The following FARP1 variants were observed in gnomAD, a reference collection of about 807,000 sequenced individuals.
FARP1 encodes FERM, ARHGEF and pleckstrin domain-containing protein 1.
A neutral mutation model predicts 128.8 loss-of-function variants in FARP1; 52 were observed. The observed-to-expected ratio is 0.40, with a 90% confidence interval of 0.32 to 0.51. The LOEUF (loss-of-function observed/expected upper bound fraction) is 0.51. Among genes scored for constraint, FARP1 ranks in the 20% least tolerant of loss-of-function variants. FARP1 has a pLI of 0.45. For synonymous variants in FARP1, 580 were observed against 551.8 expected (o/e 1.05, Z -0.72); for missense variants, 1,333 against 1,367.9 (o/e 0.97, Z 0.40).
chr13:98,395,267 A>G lies in FARP1; in HGVS notation c.1205A>G (p.Glu402Gly). The change falls in exon 13 of 27, where the codon GAA becomes GGA. Residue 402 changes from glutamate (E) to glycine (G), a missense_variant. Physicochemically the swap from Glu to Gly is moderately conservative, Grantham distance 98. Transcript: ENST00000319562. ...STSLTFGEGAESPGGQSCRRG... is the reference protein window; with the variant it reads ...STSLTFGEGAGSPGGQSCRRG... ...AGCCTTACATTTGGAGAAGGTGCCG[A>G]ATCTCCAGGGGGCCAGAGCTGCCGG... The G allele has an allele frequency of 6.2e-7, 1 of 1,605,886 alleles. No individual in the cohort carries two copies. The highest frequency in any genetic ancestry group is 8.5e-7 in the Non-Finnish European group (1 of 1,173,506).
intron 13 of FARP1, chr13:98,400,753 G>C (rs1216110832): frequency 6.6e-6 from 1 of 152,158 alleles, no homozygotes; most frequent in East Asian, 1.9e-4. Flanking sequence ...TTTCTCCTCT[G>C]ATGGTCATGG....
chr13:98,272,389 A>G (rs547366635), intron 2 of FARP1, among the ~76,000 whole-genome samples: 1 of 152,300 alleles, frequency 6.6e-6, no homozygotes, highest in East Asian at 1.9e-4. Flanking sequence ...GGAAAGCCCA[A>G]CAGTCATTAT....
chr13:98,279,897 CT>C (rs1187649367), intron 2 of FARP1, among the ~76,000 whole-genome samples: 3 of 152,148 alleles, frequency 2.0e-5, no homozygotes, highest in Non-Finnish European at 2.9e-5. Flanking sequence ...GACGCCCCCC[CT>C]CTGTCTTCCG....
At chr13:98,424,283 T>C (rs1190662946) in intron 16 of FARP1, among the ~76,000 whole-genome samples, 3 of 152,170 alleles carry the variant, frequency 2.0e-5, no homozygotes, top group Admixed American at 1.3e-4. Context: ...TAATCTAAAA[T>C]CAAACTCCAG....
rs1454866837 is a variant in FARP1 at position 98,452,343 on chromosome 13, G to A, written c.*4026G>A. 10 of 152,588 alleles carry A rather than the reference G, an allele frequency of 6.6e-5. No homozygotes were observed. Among genetic ancestry groups the A allele is most frequent in the Admixed American group, 2.6e-4 (4 of 15,288 alleles). 9.5% of individuals were successfully genotyped at this position (152,588 alleles called of 1,614,324 possible). Reference sequence around the variant, plus strand: ...CGAGAGCGCTTCATGGGGAGAAACTGAAAATTATAATTTAAAGCTTCATGA... The same window carrying A: ...CGAGAGCGCTTCATGGGGAGAAACTAAAAATTATAATTTAAAGCTTCATGA... On this transcript the variant is annotated 3_prime_UTR_variant, in exon 27 of 27. Transcript: ENST00000319562.
At chr13:98,370,095 A>G (rs997419586) in intron 5 of FARP1, among the ~76,000 whole-genome samples, 1 of 152,252 alleles carries the variant, frequency 6.6e-6, no homozygotes, top group African/African-American at 2.4e-5. Context: ...TAATTGAAGT[A>G]GGAGGATGTG....
intron 3 of FARP1, among the ~76,000 whole-genome samples, chr13:98,352,667 G>T (rs1398946127): frequency 2.0e-5 from 3 of 152,206 alleles, no homozygotes; most frequent in Non-Finnish European, 4.4e-5. Flanking sequence ...AGGTCATAAT[G>T]ATATTTAAAA....
In FARP1 at chr13:98,179,196, T is replaced by C. The variant is rs118043654; in HGVS notation, c.-23-34024T>C. Among the ~76,000 whole-genome samples, 428 of 140,112 alleles carry C rather than the reference T, an allele frequency of 3.1e-3. 9 individuals are homozygous for C. In the East Asian group the frequency reaches 0.1, roughly 33 times the overall value. The allele number at this position is 140,112 out of a possible 152,430, so 91.9% of individuals were successfully genotyped here. A position where few individuals can be genotyped will look rare whatever the true frequency, so the allele number is the denominator to read the frequency against. On this transcript the variant is annotated intron_variant, in intron 1 of 26. Coordinates refer to ENST00000319562, the MANE Select transcript of FARP1 (RefSeq NM_005766.4). ...TCCATGGTAGAAGGTGAAAGGCATG[T>C]CTCGCATGGCAGCAGACGAGAACAG...
intron 2 of FARP1, among the ~76,000 whole-genome samples, chr13:98,279,951 G>T (rs1428023336): frequency 6.6e-6 from 1 of 152,050 alleles, no homozygotes; most frequent in African/African-American, 2.4e-5. Context: ...GATGTGCCCA[G>T]CACCTTTCTC....
At chr13:98,423,553 C>T (rs995860821) in intron 16 of FARP1, among the ~76,000 whole-genome samples, 1 of 152,136 alleles carries the variant, frequency 6.6e-6, no homozygotes, top group Admixed American at 6.5e-5. Context: ...AAATTCCTTT[C>T]TCAGTGATGG....
Position 98,176,282 on chromosome 13 carries a change from CT to C in FARP1, c.-24+32792del. The C allele has an allele frequency of 6.2e-7, 1 of 1,612,108 alleles. No individual in the cohort carries two copies. Among genetic ancestry groups the C allele is most frequent in the Non-Finnish European group, 8.5e-7 (1 of 1,178,698 alleles). On this transcript the variant is annotated intron_variant, in intron 1 of 26. Transcript: ENST00000319562. This position sits in a 1 kb window ranked among gnomAD's most constrained non-coding sequence, Gnocchi z 6.2. ...TCTGTGAAATGGGACTTGCCCCCAC[CT>C]TCTGCAGCCTGAAGCTTTTGCAGTT...
intron 1 of FARP1, among the ~76,000 whole-genome samples, chr13:98,209,163 C>T (rs564100823): frequency 6.6e-6 from 1 of 152,232 alleles, no homozygotes; most frequent in South Asian, 2.1e-4. Context: ...CGCCCACCAC[C>T]ATGCCCGGCT....
At chr13:98,162,781 C>T (rs557832060) in intron 1 of FARP1, among the ~76,000 whole-genome samples, 1 of 152,130 alleles carries the variant, frequency 6.6e-6, no homozygotes, top group Non-Finnish European at 1.5e-5. Context: ...AGGCGCCTTG[C>T]AAGTCAGGAG....
chr13:98,310,373 G>A lies in FARP1; in HGVS notation c.172-33389G>A, dbSNP rs540349608. On this transcript the variant is annotated intron_variant, in intron 2 of 26. Transcript: ENST00000319562. The stretch of plus-strand genomic sequence containing the variant: ...AATAAATCTGTACATCAGTAATTAG[G>A]CATCACAAAGATGACACAGACATCC... Among the ~76,000 whole-genome samples, 17 of 152,282 alleles carry A rather than the reference G, an allele frequency of 1.1e-4. No homozygotes were observed. In the East Asian group the frequency reaches 2.9e-3, roughly 26 times the overall value.
rs1887962635 is a variant in FARP1 at position 98,341,266 on chromosome 13, G to C, written c.172-2496G>C. The stretch of plus-strand genomic sequence containing the variant: ...TACTTGGCGGGCTTTGACTCCTGCT[G>C]TCACTCAGTCTCCAGGGTTACTAAT... On this transcript the variant is annotated intron_variant, in intron 2 of 26. Coordinates refer to ENST00000319562, the MANE Select transcript of FARP1 (RefSeq NM_005766.4). 2.6e-5 allele frequency among the ~76,000 whole-genome samples: 4 copies of C among 152,090 alleles called. 1 individual carries two copies. The highest frequency in any genetic ancestry group is 2.6e-4 in the Admixed American group (4 of 15,260).
rs1365170344 is a variant in FARP1, at chr13:98,431,226, G to A, written c.2089G>A (p.Glu697Lys). The change falls in exon 18 of 27, where the codon GAG becomes AAG. Residue 697 changes from glutamate to lysine, a missense_variant. Coordinates refer to ENST00000319562, the MANE Select transcript of FARP1 (RefSeq NM_005766.4). ...HRLMHYKQVL[E>K]RLCKHHPPSH... ...GCTCATGCACTACAAGCAGGTCCTG[G>A]AGCGGCTGTGCAAACACCACCCGCC... The A allele has an allele frequency of 1.3e-6, 2 of 1,591,474 alleles. No individual in the cohort carries two copies. The highest frequency in any genetic ancestry group is 1.7e-6 in the Non-Finnish European group (2 of 1,169,490).
At chr13:98,365,721 T>A (rs585225) in intron 4 of FARP1, among the ~76,000 whole-genome samples, 13,744 of 152,290 alleles carry the variant, frequency 0.09, 1,680 homozygotes, top group African/African-American at 0.28. Flanking sequence ...ATTGAGCTTG[T>A]CTTGTCTATG....
intron 1 of FARP1, among the ~76,000 whole-genome samples, chr13:98,210,565 T>TG (rs1336273680): frequency 6.6e-6 from 1 of 151,560 alleles, no homozygotes; most frequent in Non-Finnish European, 1.5e-5. Context: ...TTTCTTTTTT[T>TG]TTGAGACAGA....
intron 2 of FARP1, among the ~76,000 whole-genome samples, chr13:98,335,196 A>T (rs2139843604): frequency 6.6e-6 from 1 of 152,334 alleles, no homozygotes; most frequent in South Asian, 2.1e-4. Context: ...TTATTTTTGT[A>T]CATCATCGAC....
Sources: gnomAD v4.1 joint callset for allele counts (sites outside exome capture counted in the v4.1 genomes callset) on GRCh38, gnomAD v4.1.1 for gene constraint, Gnocchi (gnomAD v3.1) non-coding constraint, MANE v1.5 for transcripts, NCBI Gene and HGNC (gene_info 2026-07-23, HGNC 2026-07-21) for gene names.